The following AK5 variants were observed in gnomAD, a reference collection of about 807,000 sequenced individuals.
AK5 encodes the protein adenylate kinase isoenzyme 5.
In AK5, 27 loss-of-function variants were observed where a neutral mutation model predicts 69.5. The observed-to-expected ratio is 0.39, with a 90% CI of 0.29 to 0.54. AK5 has a LOEUF of 0.54. AK5 is among the 20% of genes least tolerant of loss of function. The pLI, the probability that AK5 is intolerant of heterozygous loss-of-function variation, is 0.71. For missense variants in AK5, 531 were observed against 700.4 expected (o/e 0.76, Z 2.73); for synonymous variants, 260 against 244.4 (o/e 1.06, Z -0.60).
chr1:77,294,247 C>T (rs74555887), intron 3 of AK5, among the ~76,000 whole-genome samples: 2,084 of 151,926 alleles, frequency 0.014, 38 homozygotes, highest in African/African-American at 0.048. Flanking sequence ...ATTTATTGTC[C>T]TGTGGTTTTA....
intron 5 of AK5, among the ~76,000 whole-genome samples, chr1:77,302,666 C>G (rs145190888): frequency 2.0e-5 from 3 of 152,166 alleles, no homozygotes; most frequent in Non-Finnish European, 4.4e-5. Flanking sequence ...TGGAGGTATA[C>G]AGGCAGTTGG....
intron 13 of AK5, among the ~76,000 whole-genome samples, chr1:77,555,513 A>T (rs1660056636): frequency 6.6e-6 from 1 of 152,150 alleles, no homozygotes; most frequent in South Asian, 2.1e-4. Flanking sequence ...AGTTCTCTCC[A>T]CTTACTTAAC....
intron 5 of AK5, among the ~76,000 whole-genome samples, chr1:77,338,309 C>T (rs1462264183): frequency 6.6e-6 from 1 of 152,116 alleles, no homozygotes; most frequent in East Asian, 1.9e-4. Flanking sequence ...ACAGTGATAA[C>T]TTGGATAGAT....
intron 1 of AK5, chr1:77,283,467 G>C (rs1376189520): frequency 1.0e-6 from 1 of 985,234 alleles, no homozygotes; most frequent in African/African-American, 1.7e-5. Flanking sequence ...TCTGTTAAAA[G>C]GAATTTTAAA....
chr1:77,472,619 A>G (rs995475161), intron 8 of AK5, among the ~76,000 whole-genome samples: 3 of 152,050 alleles, frequency 2.0e-5, no homozygotes, highest in African/African-American at 7.2e-5. Context: ...ACAGTGGCTC[A>G]TGCCTGTAAT....
intron 5 of AK5, among the ~76,000 whole-genome samples, chr1:77,303,800 G>A (rs528815309): frequency 6.6e-6 from 1 of 152,326 alleles, no homozygotes; most frequent in East Asian, 1.9e-4. Flanking sequence ...CCAGGTTCCA[G>A]CTGATTGGAA....
At chr1:77,555,607 T>C (rs368804015) in intron 13 of AK5, among the ~76,000 whole-genome samples, 1 of 152,238 alleles carries the variant, frequency 6.6e-6, no homozygotes, top group South Asian at 2.1e-4. Context: ...ACTTCTAAGA[T>C]CATTGATAGG....
intron 4 of AK5, 30 bp from the exon 5 acceptor site, chr1:77,297,804 T>A (rs766667486): frequency 1.2e-6 from 2 of 1,600,298 alleles, no homozygotes; most frequent in Non-Finnish European, 1.7e-6. Flanking sequence ...AACTGTGGGG[T>A]TTTTTTGTCA....
At chr1:77,441,892 G>T (rs1287203423) in intron 8 of AK5, among the ~76,000 whole-genome samples, 1 of 152,242 alleles carries the variant, frequency 6.6e-6, no homozygotes, top group Admixed American at 6.5e-5. Flanking sequence ...CAGCGTTGGA[G>T]GTAGGTTGTT....
intron 8 of AK5, among the ~76,000 whole-genome samples, chr1:77,440,791 C>G (rs183867983): frequency 6.6e-6 from 1 of 152,010 alleles, no homozygotes; most frequent in Non-Finnish European, 1.5e-5. Context: ...ACTCTGTCAC[C>G]CAGGCTGGAG....
intron 6 of AK5, among the ~76,000 whole-genome samples, chr1:77,402,745 G>A (rs1445383198): frequency 6.5e-4 from 98 of 150,968 alleles, no homozygotes; most frequent in African/African-American, 1.7e-3. Flanking sequence ...GAATAGTGCC[G>A]CAATAAACAT....
At chr1:77,292,194 GA>G (rs1658725088) in intron 2 of AK5, among the ~76,000 whole-genome samples, 1 of 152,148 alleles carries the variant, frequency 6.6e-6, no homozygotes. Context: ...AGTAATCAAG[GA>G]TAATGTTTTG....
At chr1:77,290,917 T>A (rs1404032887) in intron 2 of AK5, among the ~76,000 whole-genome samples, 1 of 152,160 alleles carries the variant, frequency 6.6e-6, no homozygotes, top group Non-Finnish European at 1.5e-5. Flanking sequence ...AGGAGCACAA[T>A]GGCACTATAG....
intron 5 of AK5, chr1:77,313,798 A>G (rs367654627): frequency 3.0e-4 from 158 of 532,366 alleles, no homozygotes; most frequent in African/African-American, 2.9e-3. Flanking sequence ...TTTTCAGTAC[A>G]GCCTACGCCC....
chr1:77,536,577 G>C (rs1213418112), intron 13 of AK5, among the ~76,000 whole-genome samples: 1 of 152,154 alleles, frequency 6.6e-6, no homozygotes, highest in Admixed American at 6.5e-5. Context: ...AATTTTCACA[G>C]ATCCCCTTAT....
At position 77,496,820 on chromosome 1, in the gene AK5, C is replaced by T. The variant is rs2088519; in HGVS notation, c.1147+10468C>T. On this transcript the variant is annotated intron_variant, in intron 10 of 13. Transcript: ENST00000354567. ...CAGCACTCTGTAAAAATGCACCAAT[C>T]GGCATTCTGTAAAATGGACCAATCA... 1.1e-4 allele frequency among the ~76,000 whole-genome samples: 16 copies of T among 152,230 alleles called. No individual in the cohort carries two copies. In the South Asian group the frequency reaches 2.7e-3, roughly 26 times the overall value.
chr1:77,428,062 G>T (rs894371228), intron 8 of AK5, among the ~76,000 whole-genome samples: 2 of 152,142 alleles, frequency 1.3e-5, no homozygotes, highest in Admixed American at 1.3e-4. Flanking sequence ...ATTTCAACAT[G>T]AGATGAGATG....
chr1:77,370,076 T>C (rs1029727247), intron 6 of AK5, among the ~76,000 whole-genome samples: 2 of 152,190 alleles, frequency 1.3e-5, no homozygotes, highest in African/African-American at 4.8e-5. Context: ...GCAGCTCCTG[T>C]TCTGTCCTTG....
chr1:77,294,032 A>T, intron 3 of AK5, 72 bp downstream of exon 3: 1 of 1,407,646 alleles, frequency 7.1e-7, no homozygotes, highest in Non-Finnish European at 9.7e-7. Flanking sequence ...TCAAAAAAGT[A>T]AATCATATAT....
Sources: allele counts gnomAD v4.1 joint callset (sites outside exome capture counted in the v4.1 genomes callset), GRCh38; gene constraint gnomAD v4.1.1; transcripts MANE v1.5; gene names NCBI Gene and HGNC (gene_info 2026-07-23, HGNC 2026-07-21).